GGNBP2: variants seen among roughly 807,000 people sequenced by gnomAD.
The protein encoded by GGNBP2 is gametogenetin binding protein 2.
GGNBP2 carries 10 observed loss-of-function variants against 85.9 expected under a neutral mutation model. That is an observed-to-expected ratio of 0.12 (90% CI 0.07 to 0.20). GGNBP2 has a LOEUF of 0.20. GGNBP2 is among the 10% of genes least tolerant of loss of function. The probability of loss-of-function intolerance (pLI) is 1.00; values close to 1 mark genes in which losing one functional copy is unlikely to be tolerated. For missense variants in GGNBP2, 595 were observed against 857.8 expected (o/e 0.69, Z 3.83); for synonymous variants, 287 against 285.7 (o/e 1.00, Z -0.05).
intron 2 of GGNBP2, among the ~76,000 whole-genome samples, chr17:36,551,240 C>G (rs1159485011): frequency 6.7e-6 from 1 of 149,332 alleles, no homozygotes; most frequent in African/African-American, 2.5e-5. Context: ...GAGTTTTGCT[C>G]TTGTCGCTCA....
chr17:36,576,629 G>GTGTGTGTGTGTGTGTGTGTGTGTGTA (rs1203227585), intron 6 of GGNBP2: 4 of 111,076 alleles, frequency 3.6e-5, no homozygotes, highest in African/African-American at 1.6e-4. Context: ...GTGTGTGTGT[G>GTGTGTGTGTGTGTGTGTGTGTGTGTA]TATATGTATA....
At chr17:36,555,037 T>G (rs2074349028) in intron 3 of GGNBP2, 137 bp downstream of exon 3, 1 of 583,890 alleles carries the variant, frequency 1.7e-6, no homozygotes, top group Non-Finnish European at 3.1e-6. Flanking sequence ...ACCATTGCTA[T>G]AGTAAGCATG....
intron 5 of GGNBP2, among the ~76,000 whole-genome samples, chr17:36,562,905 C>CA (rs1415121206): frequency 8.1e-6 from 1 of 123,760 alleles, no homozygotes; most frequent in Non-Finnish European, 1.6e-5. Context: ...GTGGAGGTTG[C>CA]AGTGAGCTGA....
At position 36,544,934 on chromosome 17, in the gene GGNBP2, G is replaced by T. The variant is rs574502414; in HGVS notation, c.-270G>T. 1.3e-5 allele frequency: 2 copies of T among 150,960 alleles called. No homozygotes were observed. The highest frequency in any genetic ancestry group is 4.0e-4 in the East Asian group (2 of 5,024). The allele number at this position is 150,960 out of a possible 1,614,324, so 9.4% of individuals were successfully genotyped here. Reference sequence around the variant, plus strand: ...CTCCTTCTTCCACTCCCCGCGGCGCGAGCGGCTGACTGCCCGTAGAGGAAA... The same window carrying T: ...CTCCTTCTTCCACTCCCCGCGGCGCTAGCGGCTGACTGCCCGTAGAGGAAA... On this transcript the variant is annotated 5_prime_UTR_variant, in exon 1 of 14. Transcript: ENST00000613102.
intron 12 of GGNBP2, chr17:36,586,427 T>C (rs1161609915): frequency 9.2e-6 from 5 of 540,644 alleles, no homozygotes; most frequent in Non-Finnish European, 1.3e-5. Context: ...ATTGTTCTTT[T>C]TATACTTTTA....
rs1353120255 is a variant in GGNBP2, at chr17:36,585,312, A to G, written c.1228A>G (p.Ile410Val). The G allele has an allele frequency of 6.2e-7, 1 of 1,612,158 alleles. No homozygotes were observed. The highest frequency in any genetic ancestry group is 1.1e-5 in the South Asian group (1 of 90,440). ...TTGATCCTTAAAGGAAACAGACTTCATAGAAAATAGCAGCTGCAAAGCCTG... is the reference window on the plus strand; with the variant it reads ...TTGATCCTTAAAGGAAACAGACTTCGTAGAAAATAGCAGCTGCAAAGCCTG... ...EVSQEKETDF[I>V]ENSSCKACGS... The change falls in exon 10 of 14, where the codon ATA (isoleucine) becomes GTA (valine). Residue 410 changes from isoleucine to valine, a missense_variant. Around this residue, in one of 9 missense-constraint regions of GGNBP2, gnomAD observed 85 missense variants for 92.6 expected, o/e 0.92. Transcript: ENST00000613102.
chr17:36,566,800 C>T (rs1555605908), intron 5 of GGNBP2, among the ~76,000 whole-genome samples: 1 of 151,978 alleles, frequency 6.6e-6, no homozygotes, highest in Non-Finnish European at 1.5e-5. Flanking sequence ...ATGACCTTCC[C>T]AGCTACTTAT....
At chr17:36,553,446 CAT>C (rs1170744273) in intron 2 of GGNBP2, among the ~76,000 whole-genome samples, 6 of 152,240 alleles carry the variant, frequency 3.9e-5, no homozygotes, top group Admixed American at 1.3e-4. Flanking sequence ...TTAGAACAAA[CAT>C]GTTTTAAATT....
chr17:36,572,342 T>C lies in GGNBP2; in HGVS notation c.641+4566T>C, dbSNP rs569985028. Among the ~76,000 whole-genome samples, 12 of 152,308 alleles carry C rather than the reference T, an allele frequency of 7.9e-5. 1 individual carries two copies. Among genetic ancestry groups the C allele is most frequent in the African/African-American group, 2.9e-4 (12 of 41,578 alleles). On this transcript the variant is annotated intron_variant, in intron 6 of 13. Transcript: ENST00000613102. ...TATTTGTTGTTATTTCTGTGTCCGTTTTTTCTCTCCTAAAGGAGAGACTTT... is the reference window on the plus strand; with the variant it reads ...TATTTGTTGTTATTTCTGTGTCCGTCTTTTCTCTCCTAAAGGAGAGACTTT...
At chr17:36,560,578 G>C (rs1417156023) in intron 4 of GGNBP2, among the ~76,000 whole-genome samples, 195 bp from the exon 5 acceptor site, 1 of 148,628 alleles carries the variant, frequency 6.7e-6, no homozygotes, top group Non-Finnish European at 1.5e-5. Context: ...GGCAAGGGAA[G>C]ATGGCTGAGA....
chr17:36,575,677 G>A (rs374177961), intron 6 of GGNBP2, among the ~76,000 whole-genome samples: 8 of 96,364 alleles, frequency 8.3e-5, no homozygotes, highest in African/African-American at 3.1e-4. Flanking sequence ...ATGGAGTTTC[G>A]CTCTTCTTAT....
At chr17:36,556,169 G>A (rs1305800507) in intron 3 of GGNBP2, among the ~76,000 whole-genome samples, 1 of 152,196 alleles carries the variant, frequency 6.6e-6, no homozygotes, top group African/African-American at 2.4e-5. Flanking sequence ...CTCTGCAACA[G>A]TAGCTCTCAG....
At chr17:36,571,021 A>G (rs2074518789) in intron 6 of GGNBP2, among the ~76,000 whole-genome samples, 2 of 152,208 alleles carry the variant, frequency 1.3e-5, no homozygotes, top group African/African-American at 4.8e-5. Context: ...CTCTGTCTCA[A>G]AAGAAAAGTA....
At chr17:36,574,027 A>G (rs1030002355) in intron 6 of GGNBP2, among the ~76,000 whole-genome samples, 1 of 152,024 alleles carries the variant, frequency 6.6e-6, no homozygotes, top group Non-Finnish European at 1.5e-5. Flanking sequence ...CCCTTATTCA[A>G]TATATGGTTT....
chr17:36,581,259 TG>T, intron 8 of GGNBP2, 84 bp from the exon 9 acceptor site: 1 of 911,274 alleles, frequency 1.1e-6, no homozygotes, highest in Non-Finnish European at 1.7e-6. Context: ...CACTCCAGTC[TG>T]GGCGACAGAG....
At chr17:36,562,256 T>C (rs1210381650) in intron 5 of GGNBP2, among the ~76,000 whole-genome samples, 1 of 152,094 alleles carries the variant, frequency 6.6e-6, no homozygotes, top group East Asian at 1.9e-4. Context: ...AACCTCTGCC[T>C]CTTGGGTTCA....
chr17:36,551,407 T>C (rs1599497802), intron 2 of GGNBP2, among the ~76,000 whole-genome samples: 1 of 152,012 alleles, frequency 6.6e-6, no homozygotes, highest in East Asian at 2.0e-4. Flanking sequence ...TTTCTCCATG[T>C]TGGTCAGGCT....
chr17:36,585,792 T>A (rs754788799), intron 10 of GGNBP2, 48 bp from the exon 11 acceptor site: 1 of 1,539,576 alleles, frequency 6.5e-7, no homozygotes, highest in African/African-American at 1.4e-5. Flanking sequence ...TTTGTCCTAA[T>A]ATACTTATTG....
chr17:36,588,580 A>G (rs2074726591), intron 13 of GGNBP2, among the ~76,000 whole-genome samples: 1 of 150,730 alleles, frequency 6.6e-6, no homozygotes, highest in Admixed American at 6.6e-5. Flanking sequence ...TTATGGTTGT[A>G]AAGTTTAGTT....
Sources: gnomAD v4.1 joint callset for allele counts (sites outside exome capture counted in the v4.1 genomes callset) on GRCh38, gnomAD v4.1.1 for gene constraint, gnomAD v4.1.1 regional missense constraint, MANE v1.5 for transcripts, NCBI Gene and HGNC (gene_info 2026-07-23, HGNC 2026-07-21) for gene names.